The following LRP1B variants were observed in gnomAD, a reference collection of about 807,000 sequenced individuals.
LRP1B encodes low-density lipoprotein receptor-related protein 1B.
A neutral mutation model predicts 556.6 loss-of-function variants in LRP1B; 217 were observed. The observed-to-expected ratio is 0.39, with a 90% CI of 0.35 to 0.44. LRP1B has a LOEUF of 0.44. Among genes scored for constraint, LRP1B ranks in the 20% least tolerant of loss-of-function variants. The probability of loss-of-function intolerance (pLI) is 1.00; values close to 1 mark genes in which losing one functional copy is unlikely to be tolerated. For missense variants in LRP1B, 5,053 were observed against 5,620.8 expected, an observed-to-expected ratio of 0.90 and a Z score of 3.23; for synonymous variants, 2,047 against 1,865.8, an observed-to-expected ratio of 1.10 and a Z score of -2.50.
At chr2:140,900,875 GCCAGCACGTCTCAAAGAATAT>G (rs1207626134) in intron 23 of LRP1B, among the ~76,000 whole-genome samples, 2 of 152,098 alleles carry the variant, frequency 1.3e-5, no homozygotes, top group Admixed American at 6.6e-5. Context: ...AAAGACTTGA[GCCAGCACGTCTCAAAGAATAT>G]CCAGGATTTC....
At chr2:140,543,522 C>T (rs182200383) in intron 43 of LRP1B, among the ~76,000 whole-genome samples, 151 of 151,928 alleles carry the variant, frequency 9.9e-4, no homozygotes, top group Non-Finnish European at 1.9e-3. Context: ...TGTCCCAATA[C>T]ATGCAGAAAA....
At chr2:140,711,207 C>G (rs1033063120) in intron 37 of LRP1B, among the ~76,000 whole-genome samples, 1 of 152,018 alleles carries the variant, frequency 6.6e-6, no homozygotes, top group Non-Finnish European at 1.5e-5. Context: ...GTCACAATTA[C>G]ACACCATTTA....
At chr2:141,760,419 G>C (rs766732376) in intron 2 of LRP1B, among the ~76,000 whole-genome samples, 1 of 152,158 alleles carries the variant, frequency 6.6e-6, no homozygotes, top group African/African-American at 2.4e-5. Flanking sequence ...TTACAGATGG[G>C]TGATTACGAG....
chr2:140,564,262 T>A (rs1681044592), intron 43 of LRP1B, among the ~76,000 whole-genome samples: 1 of 152,130 alleles, frequency 6.6e-6, no homozygotes, highest in South Asian at 2.1e-4. Context: ...AACTGAAATT[T>A]TTTTCCTTAT....
chr2:141,598,303 G>T (rs572692663), intron 2 of LRP1B, among the ~76,000 whole-genome samples: 1 of 151,962 alleles, frequency 6.6e-6, no homozygotes, highest in South Asian at 2.1e-4. Flanking sequence ...AAGCAATAAG[G>T]CTGTCTAAAA....
At chr2:140,828,026 T>G (rs1419842215) in intron 31 of LRP1B, among the ~76,000 whole-genome samples, 1 of 152,036 alleles carries the variant, frequency 6.6e-6, no homozygotes, top group African/African-American at 2.4e-5. Flanking sequence ...AAAGCTTTCC[T>G]TCAAACATGA....
chr2:140,233,222 C>A lies in LRP1B; in HGVS notation c.13764G>T (p.Lys4588Asn). Residue 4588 changes from lysine (K) to asparagine (N), a missense_variant, in exon 91 of 91, where the codon AAG becomes AAT. By Grantham distance (94) the Lys-to-Asn change is moderately conservative (BLOSUM62 0). This residue lies in a region of LRP1B where 551 missense variants were observed against 592.0 expected (regional missense o/e 0.93). Coordinates refer to ENST00000389484, the MANE Select transcript of LRP1B (RefSeq NM_018557.3). ...TCTCTCTTATACCAATTTCTATTTT[C>A]TTTGGAAGCAGTTCTTTCCTTTCAT... Reference protein sequence around the residue: ...SVDERKELLPKKIEIGIRETV... With the variant: ...SVDERKELLPNKIEIGIRETV... 4 of 1,604,444 alleles carry A rather than the reference C, an allele frequency of 2.5e-6. No homozygotes were observed. The highest frequency in any genetic ancestry group is 3.4e-6 in the Non-Finnish European group (4 of 1,173,618).
chr2:141,181,778 C>T (rs1300887781), intron 7 of LRP1B, among the ~76,000 whole-genome samples: 3 of 151,916 alleles, frequency 2.0e-5, no homozygotes, highest in Admixed American at 2.0e-4. Flanking sequence ...AAAAGAGACA[C>T]TAACCAAAAG....
intron 3 of LRP1B, among the ~76,000 whole-genome samples, chr2:141,321,601 C>A (rs1687245743): frequency 6.6e-6 from 1 of 151,976 alleles, no homozygotes; most frequent in Non-Finnish European, 1.5e-5. Context: ...TGTGTCTGAT[C>A]CATGTGTCCA....
intron 32 of LRP1B, among the ~76,000 whole-genome samples, chr2:140,783,904 A>C (rs556696590): frequency 6.6e-6 from 1 of 152,314 alleles, no homozygotes; most frequent in African/African-American, 2.4e-5. Context: ...TTCAGCATGA[A>C]TTAGAATTAC....
intron 3 of LRP1B, among the ~76,000 whole-genome samples, chr2:141,370,376 T>C (rs1192535958): frequency 6.6e-6 from 1 of 152,200 alleles, no homozygotes; most frequent in East Asian, 1.9e-4. Context: ...ATTGTGGTTT[T>C]AGTTCACATT....
At chr2:140,653,453 G>A in intron 41 of LRP1B, among the ~76,000 whole-genome samples, 1 of 151,392 alleles carries the variant, frequency 6.6e-6, no homozygotes, top group African/African-American at 2.4e-5. Context: ...GTATGAAAAA[G>A]GAAAAATAGG....
In LRP1B at chr2:140,651,719, A is replaced by T. The variant is rs116406740; in HGVS notation, c.6799+48531T>A. On this transcript the variant is annotated intron_variant, in intron 41 of 90. Transcript: ENST00000389484. ...ACATGACCTAGAATAGTTGCAGTAG[A>T]TGAGGGAGTCATGAACACTGAGTAT... Among the ~76,000 whole-genome samples the T allele has an allele frequency of 5.8e-3, 878 of 152,208 alleles. 14 individuals carry two copies. Among genetic ancestry groups the T allele is most frequent in the Middle Eastern group, 0.02 (6 of 294 alleles).
At chr2:140,554,878 GTGTGTGTA>G in intron 43 of LRP1B, among the ~76,000 whole-genome samples, 1 of 133,670 alleles carries the variant, frequency 7.5e-6, no homozygotes, top group Admixed American at 7.5e-5. Context: ...GTGTGTGTGT[GTGTGTGTA>G]TATGTATATG....
At chr2:141,713,477 G>A (rs1317111718) in intron 2 of LRP1B, among the ~76,000 whole-genome samples, 3 of 152,138 alleles carry the variant, frequency 2.0e-5, no homozygotes, top group African/African-American at 7.2e-5. Context: ...CTAATGCACA[G>A]GCAATGAATA....
At chr2:140,684,575 T>C (rs1268422292) in intron 41 of LRP1B, among the ~76,000 whole-genome samples, 1 of 152,212 alleles carries the variant, frequency 6.6e-6, no homozygotes, top group Non-Finnish European at 1.5e-5. Context: ...CATTTTCAGA[T>C]ATTCATAGAT....
intron 1 of LRP1B, among the ~76,000 whole-genome samples, chr2:141,831,340 G>A (rs564744577): frequency 3.6e-4 from 54 of 151,644 alleles, no homozygotes; most frequent in Non-Finnish European, 7.1e-4. Flanking sequence ...TGTACCTTCT[G>A]TTTAGATCAT....
At chr2:140,828,982 A>G (rs147946107) in intron 31 of LRP1B, among the ~76,000 whole-genome samples, 171 of 152,246 alleles carry the variant, frequency 1.1e-3, no homozygotes, top group Non-Finnish European at 2.0e-3. Flanking sequence ...AAGAGTAACT[A>G]TTCTTATAGT....
chr2:140,246,205 G>C (rs778176470), intron 87 of LRP1B, among the ~76,000 whole-genome samples: 8 of 151,030 alleles, frequency 5.3e-5, no homozygotes, highest in Non-Finnish European at 1.2e-4. Flanking sequence ...TATGCTTTTT[G>C]CTTGTTTTTA....
Sources: gnomAD v4.1 joint callset for allele counts (sites outside exome capture counted in the v4.1 genomes callset) on GRCh38, gnomAD v4.1.1 for gene constraint, gnomAD v4.1.1 regional missense constraint, MANE v1.5 for transcripts, NCBI Gene and HGNC (gene_info 2026-07-23, HGNC 2026-07-21) for gene names.